The following KCNQ2 variants were observed in gnomAD, a reference collection of about 807,000 sequenced individuals.
KCNQ2 encodes the protein potassium voltage-gated channel subfamily Q member 2.
In KCNQ2, 14 loss-of-function variants were observed where a neutral mutation model predicts 84.8. The observed-to-expected ratio is 0.17, with a 90% CI of 0.11 to 0.26. The LOEUF (loss-of-function observed/expected upper bound fraction) is 0.26. KCNQ2 is among the 10% of genes least tolerant of loss of function. The pLI, the probability that KCNQ2 is intolerant of heterozygous loss-of-function variation, is 1.00. For missense variants in KCNQ2, 788 were observed against 1,254.0 expected (o/e 0.63, Z 5.61); for synonymous variants, 599 against 554.1 (o/e 1.08, Z -1.14).
At chr20:63,442,908 CCATCACCATCACCACCAT>C (rs2081249434) in intron 4 of KCNQ2, among the ~76,000 whole-genome samples, 4 of 15,606 alleles carry the variant, frequency 2.6e-4, no homozygotes, top group Non-Finnish European at 1.5e-4. Flanking sequence ...ATCACCACCA[CCATCACCATCACCACCAT>C]CACCATCACC....
rs1568933940 is a variant in KCNQ2 at position 63,442,713 on chromosome 20, C to CCAT, written c.691-183_691-182insATG. On this transcript the variant is annotated intron_variant, in intron 4 of 16. Coordinates refer to ENST00000359125, the MANE Select transcript of KCNQ2 (RefSeq NM_172107.4). ...ACCATCACCACCATCACCATCACCACCACCACCACCATCATCACCACCTCC... is the reference window on the plus strand; with the variant it reads ...ACCATCACCACCATCACCATCACCACCATCACCACCACCATCATCACCACCTCC... Among the ~76,000 whole-genome samples, 506 of 97,166 alleles carry CCAT rather than the reference C, an allele frequency of 5.2e-3. 16 individuals carry two copies. The highest frequency in any genetic ancestry group is 8.0e-3 in the African/African-American group (181 of 22,632). 63.7% of individuals were successfully genotyped at this position (97,166 alleles called of 152,430 possible).
chr20:63,406,228 T>C lies in KCNQ2; in HGVS notation c.*416A>G, dbSNP rs980457965. The C allele has an allele frequency of 3.2e-5, 6 of 187,668 alleles. No individual in the cohort carries two copies. Among genetic ancestry groups the C allele is most frequent in the Non-Finnish European group, 6.7e-5 (6 of 89,730 alleles). 11.6% of individuals were successfully genotyped at this position (187,668 alleles called of 1,614,324 possible). A position where few individuals can be genotyped will look rare whatever the true frequency, so the allele number is the denominator to read the frequency against. ...GGTCCTCACCAAACAGGCCCGCCCT[T>C]TGCGCAGGTCCTCAGGGAACAGGCC... On this transcript the variant is annotated 3_prime_UTR_variant, in exon 17 of 17. Coordinates refer to ENST00000359125, the MANE Select transcript of KCNQ2 (RefSeq NM_172107.4).
At chr20:63,465,630 G>A (rs1218251889) in intron 1 of KCNQ2, among the ~76,000 whole-genome samples, 3 of 152,200 alleles carry the variant, frequency 2.0e-5, no homozygotes, top group East Asian at 3.9e-4. Flanking sequence ...GTTCCTCGGC[G>A]ACAAGCTCAG....
chr20:63,415,951 G>A (rs986041508), intron 12 of KCNQ2, among the ~76,000 whole-genome samples: 36 of 152,302 alleles, frequency 2.4e-4, no homozygotes, highest in African/African-American at 6.3e-4. Context: ...AGTCTGCGGT[G>A]GACCCTTGTT....
chr20:63,472,109 T>G, intron 1 of KCNQ2, 59 bp downstream of exon 1: 1 of 1,276,748 alleles, frequency 7.8e-7, no homozygotes, highest in South Asian at 1.6e-5. Flanking sequence ...GGGTCGCCGA[T>G]GGGGTCGCCG....
chr20:63,442,935 C>CCACCATCACCAT (rs2081253094), intron 4 of KCNQ2, among the ~76,000 whole-genome samples: 1 of 20,660 alleles, frequency 4.8e-5, no homozygotes. Flanking sequence ...ATCACCATCA[C>CCACCATCACCAT]CACCACCATC....
At position 63,442,844 on chromosome 20, in the gene KCNQ2, AT is replaced by A. The variant is rs1297981570; in HGVS notation, c.691-314del. ...CACCATCACCATCACCACCACCACC[AT>A]CACCATCACCACCACCATCACCATC... is the stretch of plus-strand genomic sequence containing the variant. On this transcript the variant is annotated intron_variant, in intron 4 of 16. Transcript: ENST00000359125. Among the ~76,000 whole-genome samples the A allele has an allele frequency of 1.5e-3, 75 of 50,774 alleles. 2 individuals carry two copies. Among genetic ancestry groups the A allele is most frequent in the Middle Eastern group, 0.014 (1 of 70 alleles). The allele number at this position is 50,774 out of a possible 152,430, so 33.3% of individuals were successfully genotyped here.
chr20:63,446,674 C>G lies in KCNQ2; in HGVS notation c.387+73G>C. On this transcript the variant is annotated intron_variant, in intron 2 of 16. Coordinates refer to ENST00000359125, the MANE Select transcript of KCNQ2 (RefSeq NM_172107.4). The surrounding 1 kb of genome is among the most constrained non-coding windows in gnomAD (Gnocchi z 5.5). ...GTCAGAGGCCCTGTAGTAACAGGAA[C>G]GGAAGACAGACGCCCAGGCAGCTCC... is the stretch of plus-strand genomic sequence containing the variant. The G allele has an allele frequency of 4.7e-6, 6 of 1,285,176 alleles. No homozygotes were observed. Among genetic ancestry groups the G allele is most frequent in the Non-Finnish European group, 6.8e-6 (6 of 882,972 alleles). 79.6% of individuals were successfully genotyped at this position (1,285,176 alleles called of 1,614,324 possible).
At chr20:63,453,959 G>C (rs965289043) in intron 1 of KCNQ2, among the ~76,000 whole-genome samples, 1 of 152,084 alleles carries the variant, frequency 6.6e-6, no homozygotes, top group Non-Finnish European at 1.5e-5. Flanking sequence ...GGGCTGCAGG[G>C]AACCTTCCTC....
At position 63,406,615 on chromosome 20, in the gene KCNQ2, G is replaced by A. The variant is rs201401764; in HGVS notation, c.*29C>T. ...CGGAGGCACCGTGCTGAGGAGGGCC[G>A]CGGGCGGGTCCACTGGCCCAGCGCC... On this transcript the variant is annotated 3_prime_UTR_variant, in exon 17 of 17. Coordinates refer to ENST00000359125, the MANE Select transcript of KCNQ2 (RefSeq NM_172107.4). 1.3e-4 allele frequency: 202 copies of A among 1,567,978 alleles called. No individual in the cohort carries two copies. In the East Asian group the frequency reaches 1.6e-3, roughly 12 times the overall value.
intron 8 of KCNQ2, among the ~76,000 whole-genome samples, chr20:63,431,996 C>T (rs1349194080): frequency 2.0e-5 from 3 of 149,104 alleles, no homozygotes; most frequent in Non-Finnish European, 4.5e-5. Context: ...AAGGCCCCAC[C>T]CTCAGGGAAG....
intron 8 of KCNQ2, among the ~76,000 whole-genome samples, chr20:63,431,718 G>A (rs1393291646): frequency 6.6e-6 from 1 of 152,152 alleles, no homozygotes; most frequent in African/African-American, 2.4e-5. Context: ...CCTCCCAAGT[G>A]ACACCCTGAA....
intron 15 of KCNQ2, among the ~76,000 whole-genome samples, chr20:63,410,862 G>GC (rs1364933452): frequency 2.6e-5 from 4 of 152,142 alleles, no homozygotes; most frequent in Non-Finnish European, 5.9e-5. Flanking sequence ...GTCAGGGAAG[G>GC]CCAGGGGTCT....
Position 63,402,186 on chromosome 20 carries a change from A to G in KCNQ2, c.*4458T>C. 1 of 156,760 alleles carries G rather than the reference A, an allele frequency of 6.4e-6. No homozygotes were observed. The highest frequency in any genetic ancestry group is 1.3e-5 in the Non-Finnish European group (1 of 75,910). 9.7% of individuals were successfully genotyped at this position (156,760 alleles called of 1,614,324 possible). A position where few individuals can be genotyped will look rare whatever the true frequency, so the allele number is the denominator to read the frequency against. ...TCCTCTCACACCACGTCTGCTGGGCACCCTCCACAGCAGGTCCAAGCCTCG... is the reference window on the plus strand; with the variant it reads ...TCCTCTCACACCACGTCTGCTGGGCGCCCTCCACAGCAGGTCCAAGCCTCG... On this transcript the variant is annotated 3_prime_UTR_variant, in exon 17 of 17. Transcript: ENST00000359125.
At position 63,446,523 on chromosome 20, in the gene KCNQ2, C is replaced by G. The variant is rs2081430962; in HGVS notation, c.387+224G>C. On this transcript the variant is annotated intron_variant, in intron 2 of 16. Coordinates refer to ENST00000359125, the MANE Select transcript of KCNQ2 (RefSeq NM_172107.4). The surrounding 1 kb of genome is among the most constrained non-coding windows in gnomAD (Gnocchi z 5.5). Reference sequence around the variant, plus strand: ...GGGCTGTCAGCCACTGTGAGGTCACCAGGAGGGGTGAGGTGAGGGCTGAGT... The same window carrying G: ...GGGCTGTCAGCCACTGTGAGGTCACGAGGAGGGGTGAGGTGAGGGCTGAGT... Among the ~76,000 whole-genome samples, 1 of 152,040 alleles carries G rather than the reference C, an allele frequency of 6.6e-6. No individual in the cohort carries two copies. The highest frequency in any genetic ancestry group is 1.5e-5 in the Non-Finnish European group (1 of 67,994).
At chr20:63,427,068 A>T (rs1266882973) in intron 10 of KCNQ2, among the ~76,000 whole-genome samples, 1 of 152,132 alleles carries the variant, frequency 6.6e-6, no homozygotes, top group Admixed American at 6.5e-5. Context: ...CAAAAATAAC[A>T]AAACTTAGCC....
In KCNQ2 at chr20:63,414,144, G is replaced by C; in HGVS notation, c.1575C>G (p.Cys525Trp). Residue 525 changes from cysteine to tryptophan, a missense_variant, in exon 14 of 17, where the codon TGC (cysteine) becomes TGG (tryptophan). By Grantham distance (215) the Cys-to-Trp change is radical (BLOSUM62 -2). Coordinates refer to ENST00000359125, the MANE Select transcript of KCNQ2 (RefSeq NM_172107.4). This position sits in a 1 kb window ranked among gnomAD's most constrained non-coding sequence, Gnocchi z 6.6. ...EDIVDDKSCP[C>W]EFVTEDLTPG... The stretch of plus-strand genomic sequence containing the variant: ...GGGTCAGGTCCTCGGTCACAAACTC[G>C]CAGGGGCAGCTCTTGTCATCCACAA... 1 of 1,613,726 alleles carries C rather than the reference G, an allele frequency of 6.2e-7. No homozygotes were observed. Among genetic ancestry groups the C allele is most frequent in the Non-Finnish European group, 8.5e-7 (1 of 1,179,970 alleles).
rs748728588 is a variant in KCNQ2, at chr20:63,406,616, C to G, written c.*28G>C. ...GGAGGCACCGTGCTGAGGAGGGCCG[C>G]GGGCGGGTCCACTGGCCCAGCGCCG... On this transcript the variant is annotated 3_prime_UTR_variant, in exon 17 of 17. Transcript: ENST00000359125. 2 of 1,568,894 alleles carry G rather than the reference C, an allele frequency of 1.3e-6. No individual in the cohort carries two copies. Among genetic ancestry groups the G allele is most frequent in the Non-Finnish European group, 1.7e-6 (2 of 1,163,440 alleles).
In KCNQ2 at chr20:63,407,916, C is replaced by T. The variant is rs1400952761; in HGVS notation, c.1887+497G>A. ...AGAGCCAGGCCCTCCTGCTGCCCAC[C>T]GTGGAACCCCCTTCAGGAAAGCCCC... On this transcript the variant is annotated intron_variant, in intron 16 of 16. Transcript: ENST00000359125. The surrounding 1 kb of genome is among the most constrained non-coding windows in gnomAD (Gnocchi z 7.2). 9 of 211,266 alleles carry T rather than the reference C, an allele frequency of 4.3e-5. No homozygotes were observed. Among genetic ancestry groups the T allele is most frequent in the East Asian group, 2.4e-4 (2 of 8,232 alleles). 13.1% of individuals were successfully genotyped at this position (211,266 alleles called of 1,614,324 possible). A position where few individuals can be genotyped will look rare whatever the true frequency, so the allele number is the denominator to read the frequency against.
Sources: allele counts gnomAD v4.1 joint callset (sites outside exome capture counted in the v4.1 genomes callset), GRCh38; gene constraint gnomAD v4.1.1; non-coding constraint Gnocchi (gnomAD v3.1); transcripts MANE v1.5; gene names NCBI Gene and HGNC (gene_info 2026-07-23, HGNC 2026-07-21).